CHD7: variants seen among roughly 807,000 people sequenced by gnomAD.
CHD7 encodes ATP-dependent chromatin remodeler CHD7.
A neutral mutation model predicts 307.3 loss-of-function variants in CHD7; 24 were observed. That is an observed-to-expected ratio of 0.08 (90% CI 0.06 to 0.11). The LOEUF is 0.11. Among genes scored for constraint, CHD7 ranks in the 10% least tolerant of loss-of-function variants. CHD7 has a pLI of 1.00. For synonymous variants in CHD7, 1,363 were observed against 1,349.9 expected, an observed-to-expected ratio of 1.01 and a Z score of -0.21; for missense variants, 3,106 against 3,727.1, an observed-to-expected ratio of 0.83 and a Z score of 4.34.
intron 6 of CHD7, among the ~76,000 whole-genome samples, chr8:60,803,349 A>AC (rs1432070380): frequency 6.6e-6 from 1 of 152,220 alleles, no homozygotes; most frequent in Non-Finnish European, 1.5e-5. Flanking sequence ...AGCTATTTAG[A>AC]CTATATATTA....
chr8:60,795,529 T>C (rs761192773), intron 4 of CHD7, among the ~76,000 whole-genome samples: 33 of 152,244 alleles, frequency 2.2e-4, no homozygotes, highest in Non-Finnish European at 5.9e-5. Flanking sequence ...AATCAAGATA[T>C]AATTTGTAGT....
chr8:60,808,421 G>T (rs932678412), intron 7 of CHD7, 149 bp downstream of exon 7: 5 of 617,220 alleles, frequency 8.1e-6, no homozygotes, highest in Non-Finnish European at 1.4e-5. Context: ...ACCAACTTTT[G>T]TATGTTTGAT....
intron 1 of CHD7, among the ~76,000 whole-genome samples, chr8:60,709,950 A>G (rs994234707): frequency 6.6e-6 from 1 of 152,218 alleles, no homozygotes; most frequent in African/African-American, 2.4e-5. Context: ...ATTTAAGATT[A>G]GAGATCATAA....
intron 1 of CHD7, among the ~76,000 whole-genome samples, chr8:60,684,842 G>A (rs60562398): frequency 6.6e-6 from 1 of 152,212 alleles, no homozygotes; most frequent in Non-Finnish European, 1.5e-5. Flanking sequence ...GAGGACAATA[G>A]GTTGTAGACA....
intron 1 of CHD7, among the ~76,000 whole-genome samples, chr8:60,736,985 A>G (rs1331859065): frequency 6.6e-6 from 1 of 152,174 alleles, no homozygotes; most frequent in Non-Finnish European, 1.5e-5. Flanking sequence ...ATCACTATAT[A>G]TAAAATAAAT....
chr8:60,748,940 T>TA (rs1405372122), intron 2 of CHD7, among the ~76,000 whole-genome samples: 1 of 149,984 alleles, frequency 6.7e-6, no homozygotes, highest in Non-Finnish European at 1.5e-5. Context: ...CCCTTGAGAT[T>TA]AAAAAAAACC....
chr8:60,726,244 G>A (rs1322803680), intron 1 of CHD7, among the ~76,000 whole-genome samples: 1 of 152,168 alleles, frequency 6.6e-6, no homozygotes, highest in Non-Finnish European at 1.5e-5. Flanking sequence ...GAAGAAGACA[G>A]CTATACTTAG....
rs1236442873 is a variant in CHD7 at position 60,845,307 on chromosome 8, C to G, written c.5108C>G (p.Thr1703Arg). ...RKGKKVKAQS[T>R]QPVVQDADWL... ...GGAAAGAAGGTGAAAGCCCAGAGCA[C>G]ACAGCCGGTGGTGCAGGATGCCGAC... Residue 1703 changes from threonine (T) to arginine (R), a missense_variant, in exon 23 of 38, where the codon ACA (threonine) becomes AGA (arginine). Thr to Arg is a moderately conservative substitution (Grantham distance 71). This residue lies in a region of CHD7 where 1,030 missense variants were observed against 1,165.4 expected (regional missense o/e 0.88). Transcript: ENST00000423902. 6.2e-7 allele frequency: 1 copy of G among 1,614,010 alleles called. No individual in the cohort carries two copies. The highest frequency in any genetic ancestry group is 1.7e-5 in the Admixed American group (1 of 60,028).
chr8:60,816,123 C>CTCTCTCTG (rs1803732788), intron 7 of CHD7, among the ~76,000 whole-genome samples: 1 of 104,160 alleles, frequency 9.6e-6, no homozygotes, highest in African/African-American at 3.2e-5. Context: ...GTCTCTCTCT[C>CTCTCTCTG]TCTCTCTCTC....
intron 16 of CHD7, 62 bp from the exon 17 acceptor site, chr8:60,836,751 TAAAA>T (rs112949179): frequency 2.2e-5 from 26 of 1,176,200 alleles, no homozygotes; most frequent in Middle Eastern, 2.4e-4. Flanking sequence ...AATTAAAAAT[TAAAA>T]AAAGGAGCAA....
At chr8:60,846,482 AT>A (rs1805216097) in intron 23 of CHD7, among the ~76,000 whole-genome samples, 1 of 152,108 alleles carries the variant, frequency 6.6e-6, no homozygotes, top group Admixed American at 6.5e-5. Context: ...CTGAATATGC[AT>A]TTTTCCGTAT....
At chr8:60,862,425 A>G (rs962811088) in intron 36 of CHD7, 89 bp downstream of exon 36, 27 of 1,501,254 alleles carry the variant, frequency 1.8e-5, no homozygotes, top group Non-Finnish European at 2.2e-5. Context: ...AGGGGAAAAG[A>G]ATCCTGTCTG....
At chr8:60,862,418 G>T (rs1015661856) in intron 36 of CHD7, 82 bp downstream of exon 36, 8 of 1,510,412 alleles carry the variant, frequency 5.3e-6, no homozygotes, top group Admixed American at 4.3e-5. Flanking sequence ...CTTCTATAGG[G>T]GAAAAGAATC....
chr8:60,811,483 C>T (rs1030381217), intron 7 of CHD7, among the ~76,000 whole-genome samples: 1 of 152,100 alleles, frequency 6.6e-6, no homozygotes, highest in Non-Finnish European at 1.5e-5. Flanking sequence ...GGAAATCACT[C>T]TACATCTGTT....
rs1804818808 is a variant in CHD7, at chr8:60,838,117, A to C, written c.4395A>C (p.Arg1465=). 6.5e-7 allele frequency: 1 copy of C among 1,536,196 alleles called. No homozygotes were observed. Among genetic ancestry groups the C allele is most frequent in the Non-Finnish European group, 8.8e-7 (1 of 1,141,478 alleles). Residue 1465 remains arginine, a synonymous_variant, in exon 19 of 38, where the codon CGA becomes CGC. Coordinates refer to ENST00000423902, the MANE Select transcript of CHD7 (RefSeq NM_017780.4). ...AGAAAGAAATAGAGGATCTTCTACG[A>C]AAAGGGGCCTATGGTGCACTCATGG... ...LSKKEIEDLL[R]KGAYGALMDE... is the part of the protein sequence containing the mutation.
intron 1 of CHD7, among the ~76,000 whole-genome samples, chr8:60,733,444 A>G (rs1039034356): frequency 2.0e-5 from 3 of 152,008 alleles, no homozygotes; most frequent in Non-Finnish European, 2.9e-5. Context: ...TGCTGGACAT[A>G]TTTTCTTAGT....
In CHD7 at chr8:60,749,392, A is replaced by AAAG. The variant is rs386412887; in HGVS notation, c.1665+6296_1665+6298dup. Reference sequence around the variant, plus strand: ...TATCAAAAAAAAAAAAAAAAAAAAAAAAGGAATTACAAATTACAGACATGG... The same window carrying AAAG: ...TATCAAAAAAAAAAAAAAAAAAAAAAAAGAAGGAATTACAAATTACAGACATGG... On this transcript the variant is annotated intron_variant, in intron 2 of 37. Transcript: ENST00000423902. Among the ~76,000 whole-genome samples, 3 of 151,202 alleles carry AAAG rather than the reference A, an allele frequency of 2.0e-5. No homozygotes were observed. The East Asian group carries it at 5.8e-4, about 29-fold the overall frequency.
At chr8:60,710,704 T>C (rs1206168458) in intron 1 of CHD7, among the ~76,000 whole-genome samples, 1 of 152,184 alleles carries the variant, frequency 6.6e-6, no homozygotes, top group East Asian at 1.9e-4. Flanking sequence ...GAGAATACAA[T>C]GTGTACCTCA....
At chr8:60,688,996 G>A (rs1806058959) in intron 1 of CHD7, among the ~76,000 whole-genome samples, 1 of 152,172 alleles carries the variant, frequency 6.6e-6, no homozygotes, top group Non-Finnish European at 1.5e-5. Context: ...GGTCAGGGAT[G>A]TGAGTAGCAA....
Sources: gnomAD v4.1 joint callset for allele counts (sites outside exome capture counted in the v4.1 genomes callset) on GRCh38, gnomAD v4.1.1 for gene constraint, gnomAD v4.1.1 regional missense constraint, MANE v1.5 for transcripts, NCBI Gene and HGNC (gene_info 2026-07-23, HGNC 2026-07-21) for gene names.